The following DENND5A variants were observed in gnomAD, a reference collection of about 807,000 sequenced individuals.
DENND5A encodes the protein DENN domain containing 5A, also known as DENN domain-containing protein 5A.
In DENND5A, 64 loss-of-function variants were observed where a neutral mutation model predicts 140.3. The observed-to-expected ratio is 0.46, with a 90% confidence interval of 0.37 to 0.56. The LOEUF (loss-of-function observed/expected upper bound fraction) is 0.56, where lower values mean the gene tolerates loss of function less well. Ranked by LOEUF, DENND5A falls within the 20% of genes least tolerant of loss-of-function variation. The pLI, the probability that DENND5A is intolerant of heterozygous loss-of-function variation, is 0.00. For synonymous variants in DENND5A, 605 were observed against 607.7 expected (o/e 1.00, Z 0.07); for missense variants, 1,292 against 1,593.8 (o/e 0.81, Z 3.22).
chr11:9,228,348 A>G (rs1367998711), intron 1 of DENND5A, among the ~76,000 whole-genome samples: 3 of 152,104 alleles, frequency 2.0e-5, no homozygotes, highest in African/African-American at 7.2e-5. Flanking sequence ...TGAAACTTTC[A>G]GCTCCCCACC....
chr11:9,183,962 A>C (rs546826451), intron 5 of DENND5A, among the ~76,000 whole-genome samples: 2 of 151,632 alleles, frequency 1.3e-5, no homozygotes, highest in East Asian at 3.9e-4. Flanking sequence ...GAGGCAGGAG[A>C]ATCGCTTGAA....
intron 9 of DENND5A, chr11:9,170,201 AC>A (rs1387971690): frequency 1.2e-6 from 1 of 831,830 alleles, no homozygotes; most frequent in Non-Finnish European, 1.4e-6. Context: ...TAGATCTAAA[AC>A]TATATTCACT....
intron 1 of DENND5A, among the ~76,000 whole-genome samples, chr11:9,247,102 C>A (rs531374917): frequency 2.0e-5 from 3 of 152,012 alleles, no homozygotes; most frequent in Non-Finnish European, 2.9e-5. Context: ...TGGTGGCAGG[C>A]GCCTGTAGTC....
At chr11:9,177,103 A>G (rs949007111) in intron 8 of DENND5A, among the ~76,000 whole-genome samples, 1 of 151,890 alleles carries the variant, frequency 6.6e-6, no homozygotes, top group African/African-American at 2.4e-5. Flanking sequence ...AAATATAAAA[A>G]ATTAGCCAGG....
chr11:9,163,588 G>A (rs567653871), intron 11 of DENND5A, among the ~76,000 whole-genome samples: 1 of 152,014 alleles, frequency 6.6e-6, no homozygotes, highest in African/African-American at 2.4e-5. Context: ...CAGATCACTT[G>A]AGGTCAGGAG....
chr11:9,203,809 C>T lies in DENND5A; in HGVS notation c.800G>A (p.Gly267Glu), dbSNP rs1014481380. The T allele has an allele frequency of 2.4e-5, 39 of 1,613,964 alleles. No individual in the cohort carries two copies. The highest frequency in any genetic ancestry group is 3.0e-5 in the Non-Finnish European group (35 of 1,180,004). Reference sequence around the variant, plus strand: ...ACTTGGTCTCTGGCAGATTATTGGCCCATAGACCCCAGAAAACTTCAAGGA... The same window carrying T: ...ACTTGGTCTCTGGCAGATTATTGGCTCATAGACCCCAGAAAACTTCAAGGA... Reference protein sequence around the residue: ...GRSLKFSGVYGPIICQRPSTN... With the variant: ...GRSLKFSGVYEPIICQRPSTN... The change falls in exon 4 of 23, where the codon GGG becomes GAG. Residue 267 changes from glycine to glutamate, a missense_variant. Gly to Glu is a moderately conservative substitution (Grantham distance 98). Around this residue, in one of 4 missense-constraint regions of DENND5A, gnomAD observed 566 missense variants for 650.4 expected, o/e 0.87. Transcript: ENST00000328194.
rs777570569 is a variant in DENND5A, at chr11:9,179,086, A to T, written c.1456-13T>A. 1.6e-5 allele frequency: 26 copies of T among 1,611,104 alleles called. No homozygotes were observed. Among genetic ancestry groups the T allele is most frequent in the Middle Eastern group, 3.3e-4 (2 of 6,082 alleles). On this transcript the variant is annotated splice_polypyrimidine_tract_variant and intron_variant, in intron 6 of 22. Coordinates refer to ENST00000328194, the MANE Select transcript of DENND5A (RefSeq NM_015213.4). Reference sequence around the variant, plus strand: ...CACGCACTTCCAACTACAAAAAAAGAAAAAGCAGTTGAGAACACATACACT... The same window carrying T: ...CACGCACTTCCAACTACAAAAAAAGTAAAAGCAGTTGAGAACACATACACT...
Position 9,150,176 on chromosome 11 carries a change from A to G in DENND5A, c.2640T>C (p.Asp880=), listed in dbSNP as rs760075600. 1 of 1,613,844 alleles carries G rather than the reference A, an allele frequency of 6.2e-7. No individual in the cohort carries two copies. Among genetic ancestry groups the G allele is most frequent in the South Asian group, 1.1e-5 (1 of 91,066 alleles). ...HIQNIGEIKT[D]VGKARAWVRL... ...GCACCCATGCTCTGGCCTTTCCCACATCAGTCTTGATTTCCCCGATGTTCT... is the reference window on the plus strand; with the variant it reads ...GCACCCATGCTCTGGCCTTTCCCACGTCAGTCTTGATTTCCCCGATGTTCT... The change falls in exon 15 of 23, where the codon GAT becomes GAC. Residue 880 remains aspartate, a synonymous_variant. Transcript: ENST00000328194.
intron 1 of DENND5A, among the ~76,000 whole-genome samples, chr11:9,217,220 T>C (rs970182943): frequency 6.6e-6 from 1 of 152,148 alleles, no homozygotes; most frequent in African/African-American, 2.4e-5. Context: ...ATTCCATTTA[T>C]ATAAAATGTC....
At chr11:9,247,136 A>AGGAGAACGGCGTGAACCC (rs935565752) in intron 1 of DENND5A, among the ~76,000 whole-genome samples, 1 of 151,848 alleles carries the variant, frequency 6.6e-6, no homozygotes, top group African/African-American at 2.4e-5. Context: ...AGGCTGAAGC[A>AGGAGAACGGCGTGAACCC]GGAGAACGGC....
intron 1 of DENND5A, among the ~76,000 whole-genome samples, chr11:9,244,914 C>T (rs534087012): frequency 6.9e-4 from 105 of 151,602 alleles, no homozygotes; most frequent in African/African-American, 2.4e-3. Context: ...TGGGCTCAAG[C>T]GATCCACCCT....
intron 8 of DENND5A, among the ~76,000 whole-genome samples, chr11:9,173,759 T>C (rs1340511249): frequency 6.6e-6 from 1 of 152,112 alleles, no homozygotes; most frequent in African/African-American, 2.4e-5. Flanking sequence ...ACTGCTAAAA[T>C]AACACAAGTT....
rs150769127 is a variant in DENND5A at position 9,140,852 on chromosome 11, C to T, written c.3681-998G>A. Among the ~76,000 whole-genome samples, 20 of 152,310 alleles carry T rather than the reference C, an allele frequency of 1.3e-4. 1 individual carries two copies. The East Asian group carries it at 3.9e-3, about 29-fold the overall frequency. ...AGTAAGCTTCTAAATGTTGGCCAGG[C>T]ATGGTGGCTCACGCCTGTAATTTCA... On this transcript the variant is annotated intron_variant, in intron 22 of 22. Coordinates refer to ENST00000328194, the MANE Select transcript of DENND5A (RefSeq NM_015213.4).
intron 1 of DENND5A, among the ~76,000 whole-genome samples, chr11:9,231,518 C>G (rs1850769305): frequency 6.6e-6 from 1 of 151,930 alleles, no homozygotes; most frequent in East Asian, 1.9e-4. Context: ...GAGTTGGAGA[C>G]CAGCCTGACC....
intron 1 of DENND5A, among the ~76,000 whole-genome samples, chr11:9,208,654 C>T (rs1428726591): frequency 6.6e-6 from 1 of 152,202 alleles, no homozygotes; most frequent in Non-Finnish European, 1.5e-5. Flanking sequence ...AGCAGCAGCT[C>T]ACTTATTCAC....
chr11:9,175,609 A>T (rs563496100), intron 8 of DENND5A: 1 of 152,370 alleles, frequency 6.6e-6, no homozygotes, highest in East Asian at 1.9e-4. Context: ...ACAGTAATCA[A>T]GACAGTGTGG....
Position 9,164,310 on chromosome 11 carries a change from C to A in DENND5A, c.2283+1526G>T, listed in dbSNP as rs555992945. 2.0e-3 allele frequency among the ~76,000 whole-genome samples: 298 copies of A among 146,648 alleles called. 1 individual carries two copies. The highest frequency in any genetic ancestry group is 6.5e-3 in the African/African-American group (259 of 39,720). On this transcript the variant is annotated intron_variant, in intron 11 of 22. Transcript: ENST00000328194. Reference sequence around the variant, plus strand: ...TCGAGTGATTCACCCACCTCAATCTCCCAAAGTGCCAGGATTACAGGCATG... The same window carrying A: ...TCGAGTGATTCACCCACCTCAATCTACCAAAGTGCCAGGATTACAGGCATG...
chr11:9,182,507 T>C (rs1848766106), intron 5 of DENND5A, among the ~76,000 whole-genome samples: 1 of 152,208 alleles, frequency 6.6e-6, no homozygotes, highest in African/African-American at 2.4e-5. Flanking sequence ...CCATCTACTC[T>C]TCTCCTCTTT....
At chr11:9,236,739 T>C (rs1306661656) in intron 1 of DENND5A, among the ~76,000 whole-genome samples, 3 of 85,182 alleles carry the variant, frequency 3.5e-5, no homozygotes, top group African/African-American at 5.7e-5. Flanking sequence ...AAGAAAAAGA[T>C]GAAAAGGAAG....
Sources: allele counts gnomAD v4.1 joint callset (sites outside exome capture counted in the v4.1 genomes callset), GRCh38; gene constraint gnomAD v4.1.1; regional missense constraint gnomAD v4.1.1; transcripts MANE v1.5; gene names NCBI Gene and HGNC (gene_info 2026-07-23, HGNC 2026-07-21).